MAN2A1: variants seen among roughly 807,000 people sequenced by gnomAD.
MAN2A1 encodes alpha-mannosidase 2.
In MAN2A1, 76 loss-of-function variants were observed where a neutral mutation model predicts 142.6. That is an observed-to-expected ratio of 0.53 (90% CI 0.44 to 0.65). The LOEUF is 0.65. MAN2A1 is among the 30% of genes least tolerant of loss of function. MAN2A1 has a pLI of 0.00. For synonymous variants in MAN2A1, 559 were observed against 473.2 expected, an observed-to-expected ratio of 1.18 and a Z score of -2.35; for missense variants, 1,311 against 1,365.1, an observed-to-expected ratio of 0.96 and a Z score of 0.62.
chr5:109,723,821 A>G (rs1414369497), intron 3 of MAN2A1, among the ~76,000 whole-genome samples: 1 of 151,874 alleles, frequency 6.6e-6, no homozygotes. Flanking sequence ...TGGAACTACC[A>G]CCCTTTTTCT....
chr5:109,712,693 A>T (rs1349975260), intron 1 of MAN2A1, among the ~76,000 whole-genome samples: 2 of 152,164 alleles, frequency 1.3e-5, no homozygotes, highest in Admixed American at 6.5e-5. Flanking sequence ...CCCGTATCTT[A>T]TGCATGTCTT....
intron 12 of MAN2A1, among the ~76,000 whole-genome samples, chr5:109,815,098 A>G (rs142119097): frequency 1.3e-5 from 2 of 152,198 alleles, no homozygotes; most frequent in Admixed American, 1.3e-4. Context: ...TTTGGTACAG[A>G]GAATGAGTGA....
At chr5:109,815,390 C>T (rs1177164842) in intron 12 of MAN2A1, among the ~76,000 whole-genome samples, 5 of 152,110 alleles carry the variant, frequency 3.3e-5, no homozygotes, top group African/African-American at 4.8e-5. Flanking sequence ...TAGGAGGATT[C>T]GTTGCTCTTT....
intron 5 of MAN2A1, among the ~76,000 whole-genome samples, chr5:109,760,826 C>G (rs1325154907): frequency 6.6e-6 from 1 of 151,932 alleles, no homozygotes; most frequent in African/African-American, 2.4e-5. Flanking sequence ...GTGATATCCC[C>G]TTTATCATTT....
rs565321999 is a variant in MAN2A1 at position 109,730,541 on chromosome 5, C to T, written c.707+1028C>T. ...CTTCCTAATTTCATTTTTTACCATTCACTTTTTAAAAAACTGATTAAAAAA... is the reference window on the plus strand; with the variant it reads ...CTTCCTAATTTCATTTTTTACCATTTACTTTTTAAAAAACTGATTAAAAAA... On this transcript the variant is annotated intron_variant, in intron 4 of 21. Coordinates refer to ENST00000261483, the MANE Select transcript of MAN2A1 (RefSeq NM_002372.4). 1.1e-4 allele frequency among the ~76,000 whole-genome samples: 15 copies of T among 130,868 alleles called. 1 individual carries two copies. The highest frequency in any genetic ancestry group is 4.8e-4 in the African/African-American group (14 of 29,072). The allele number at this position is 130,868 out of a possible 152,430, so 85.9% of individuals were successfully genotyped here.
chr5:109,862,967 A>G (rs1755793501), intron 20 of MAN2A1: 1 of 152,136 alleles, frequency 6.6e-6, no homozygotes, highest in South Asian at 2.1e-4. Flanking sequence ...TAGAATTCAA[A>G]TGTAGAATTC....
intron 2 of MAN2A1, among the ~76,000 whole-genome samples, chr5:109,715,874 T>C (rs1751438368): frequency 1.3e-5 from 2 of 149,090 alleles, no homozygotes; most frequent in Non-Finnish European, 3.0e-5. Context: ...TAGAATGAAC[T>C]TTTTTTTTTA....
At chr5:109,792,021 G>C (rs76516340) in intron 12 of MAN2A1, among the ~76,000 whole-genome samples, 1 of 152,064 alleles carries the variant, frequency 6.6e-6, no homozygotes, top group African/African-American at 2.4e-5. Flanking sequence ...TATATCATGT[G>C]TGGATTCGTA....
intron 12 of MAN2A1, among the ~76,000 whole-genome samples, chr5:109,801,677 T>G (rs1396548818): frequency 6.6e-6 from 1 of 152,172 alleles, no homozygotes; most frequent in East Asian, 1.9e-4. Flanking sequence ...AGTTGTGTTC[T>G]GAATACTCTA....
chr5:109,719,999 TA>T (rs1327512973), intron 3 of MAN2A1, among the ~76,000 whole-genome samples: 2 of 152,166 alleles, frequency 1.3e-5, no homozygotes, highest in Non-Finnish European at 2.9e-5. Context: ...ACCATGAAAT[TA>T]AATGTTAGTT....
At chr5:109,828,333 T>C (rs947180582) in intron 16 of MAN2A1, among the ~76,000 whole-genome samples, 1 of 152,214 alleles carries the variant, frequency 6.6e-6, no homozygotes, top group Non-Finnish European at 1.5e-5. Context: ...CATTACCATA[T>C]AGGCTGCTAC....
At chr5:109,864,938 G>A in intron 20 of MAN2A1, 98 bp from the exon 21 acceptor site, 1 of 830,726 alleles carries the variant, frequency 1.2e-6, no homozygotes, top group Non-Finnish European at 2.1e-6. Context: ...CTAAATAAAT[G>A]TGCTTTTGGA....
rs535590414 is a variant in MAN2A1 at position 109,760,156 on chromosome 5, C to T, written c.835+4700C>T. Among the ~76,000 whole-genome samples, 226 of 152,154 alleles carry T rather than the reference C, an allele frequency of 1.5e-3. 1 individual carries two copies. Among genetic ancestry groups the T allele is most frequent in the Non-Finnish European group, 1.3e-3 (89 of 68,000 alleles). On this transcript the variant is annotated intron_variant, in intron 5 of 21. Coordinates refer to ENST00000261483, the MANE Select transcript of MAN2A1 (RefSeq NM_002372.4). ...TTCCCTAGCCTCCCAGCCCCTGACG[C>T]CCCTGTGTGTCGTGTTCCCCTCTCT...
At chr5:109,841,920 A>G (rs563367741) in intron 16 of MAN2A1, among the ~76,000 whole-genome samples, 1 of 152,304 alleles carries the variant, frequency 6.6e-6, no homozygotes, top group South Asian at 2.1e-4. Context: ...CTGGTCTATA[A>G]GGAGAGAATG....
chr5:109,849,126 ATC>A (rs1482974157), intron 19 of MAN2A1, among the ~76,000 whole-genome samples: 1 of 152,144 alleles, frequency 6.6e-6, no homozygotes, highest in African/African-American at 2.4e-5. Context: ...GCAGTTCTTT[ATC>A]TCTCTAATAG....
At chr5:109,817,553 T>A (rs1754499646) in intron 13 of MAN2A1, 115 bp downstream of exon 13, 2 of 1,001,732 alleles carry the variant, frequency 2.0e-6, no homozygotes, top group Non-Finnish European at 3.0e-6. Context: ...TGTGAGGTGA[T>A]GAAAGTTGTA....
chr5:109,821,201 G>A (rs769797238), intron 15 of MAN2A1, among the ~76,000 whole-genome samples: 4 of 151,962 alleles, frequency 2.6e-5, no homozygotes, highest in African/African-American at 4.8e-5. Context: ...TTTTCTCCCC[G>A]TTCTCAAGTC....
At chr5:109,720,824 T>C (rs1321365540) in intron 3 of MAN2A1, among the ~76,000 whole-genome samples, 1 of 152,258 alleles carries the variant, frequency 6.6e-6, no homozygotes, top group Non-Finnish European at 1.5e-5. Context: ...CTTAGAAGTC[T>C]GGTTGCTAAA....
chr5:109,845,880 A>G lies in MAN2A1; in HGVS notation c.2716A>G (p.Thr906Ala). ...TGTTTTATAGATTCAACCTAGAATG[A>G]CACTGAGCAAATTGCCTCTTCAAGC... ...LNGYQIQPRM[T>A]LSKLPLQANV... The change falls in exon 18 of 22, where the codon ACA becomes GCA. Residue 906 changes from threonine (T) to alanine (A), a missense_variant. Thr to Ala is a moderately conservative substitution (Grantham distance 58). Transcript: ENST00000261483. The G allele has an allele frequency of 6.2e-7, 1 of 1,613,366 alleles. No individual in the cohort carries two copies.
Sources: allele counts gnomAD v4.1 joint callset (sites outside exome capture counted in the v4.1 genomes callset), GRCh38; gene constraint gnomAD v4.1.1; transcripts MANE v1.5; gene names NCBI Gene and HGNC (gene_info 2026-07-23, HGNC 2026-07-21).